FSTL4: variants seen among roughly 807,000 people sequenced by gnomAD.
FSTL4 encodes follistatin-related protein 4.
Under a neutral mutation model 78.2 loss-of-function variants are expected in FSTL4, and 28 were observed. The observed-to-expected ratio is 0.36, with a 90% CI of 0.27 to 0.49. The LOEUF (loss-of-function observed/expected upper bound fraction) is 0.49. Ranked by LOEUF, FSTL4 falls within the 20% of genes least tolerant of loss-of-function variation. FSTL4 has a pLI of 0.98. For synonymous variants in FSTL4, 422 were observed against 440.5 expected (o/e 0.96, Z 0.53); for missense variants, 922 against 1,084.9 (o/e 0.85, Z 2.11).
At chr5:133,736,759 C>A in the FSTL4 span, among the ~76,000 whole-genome samples, 1 of 152,134 alleles carries the variant, frequency 6.6e-6, no homozygotes, top group Non-Finnish European at 1.5e-5. Context: ...TTGCAGCCTG[C>A]TGGTGTCCAA....
intron 3 of FSTL4, among the ~76,000 whole-genome samples, chr5:133,544,160 TTTAA>T (rs576723827): frequency 3.2e-4 from 48 of 152,280 alleles, no homozygotes; most frequent in South Asian, 2.1e-3. Context: ...TATTCCCACT[TTTAA>T]TTAATTAATT....
At chr5:133,445,109 A>G (rs1028231622) in intron 3 of FSTL4, among the ~76,000 whole-genome samples, 2 of 152,238 alleles carry the variant, frequency 1.3e-5, no homozygotes, top group African/African-American at 4.8e-5. Context: ...AGACCCAGCA[A>G]TCCAGACCTG....
At chr5:133,565,142 CTA>C (rs1399538444) in intron 3 of FSTL4, among the ~76,000 whole-genome samples, 7 of 152,200 alleles carry the variant, frequency 4.6e-5, no homozygotes, top group Admixed American at 4.6e-4. Flanking sequence ...GAAAAATCAG[CTA>C]TTACTCATCT....
intron 3 of FSTL4, among the ~76,000 whole-genome samples, chr5:133,521,069 G>A (rs936705676): frequency 3.3e-5 from 5 of 152,052 alleles, no homozygotes; most frequent in South Asian, 2.1e-4. Flanking sequence ...AGCATTCACT[G>A]TTCCTTCCTA....
intron 6 of FSTL4, among the ~76,000 whole-genome samples, chr5:133,305,627 G>A (rs1220621235): frequency 6.6e-6 from 1 of 152,148 alleles, no homozygotes; most frequent in Non-Finnish European, 1.5e-5. Context: ...TCTCTACCCA[G>A]GTGGCAAGCT....
the FSTL4 span, among the ~76,000 whole-genome samples, chr5:133,690,759 G>A: frequency 6.6e-6 from 1 of 152,206 alleles, no homozygotes; most frequent in Admixed American, 6.5e-5. Flanking sequence ...TTTGCCTATA[G>A]AGACAGTGAC....
chr5:133,703,296 C>A, the FSTL4 span, among the ~76,000 whole-genome samples: 2 of 152,172 alleles, frequency 1.3e-5, no homozygotes, highest in Admixed American at 6.5e-5. Context: ...ACATCCGTTA[C>A]CATTCCAATT....
Position 133,312,773 on chromosome 5 carries a change from A to T in FSTL4, c.608T>A (p.Val203Glu). The T allele has an allele frequency of 6.2e-7, 1 of 1,614,154 alleles. No individual in the cohort carries two copies. The highest frequency in any genetic ancestry group is 2.2e-5 in the East Asian group (1 of 44,890). Reference sequence around the variant, plus strand: ...TTCATCCAGGTCCTGCTTCTTCAGCACATGCTGTGGGGTGAGGAGGAGAAC... The same window carrying T: ...TTCATCCAGGTCCTGCTTCTTCAGCTCATGCTGTGGGGTGAGGAGGAGAAC... ...HLSSSELAQH[V>E]LKKQDLDEDL... The change falls in exon 6 of 16, where the codon GTG becomes GAG. Residue 203 changes from valine (V) to glutamate (E), a missense_variant. Val to Glu is a moderately radical substitution (Grantham distance 121, BLOSUM62 -2). Transcript: ENST00000265342.
At chr5:133,547,975 G>T (rs1299012397) in intron 3 of FSTL4, among the ~76,000 whole-genome samples, 1 of 152,080 alleles carries the variant, frequency 6.6e-6, no homozygotes, top group Non-Finnish European at 1.5e-5. Flanking sequence ...AAAAGCCCTG[G>T]ACACCTAAGC....
intron 3 of FSTL4, among the ~76,000 whole-genome samples, chr5:133,555,962 G>A (rs973902283): frequency 5.9e-5 from 9 of 152,118 alleles, no homozygotes; most frequent in South Asian, 2.1e-4. Flanking sequence ...GCCCAGACCC[G>A]TGGGTTTTTT....
chr5:133,617,318 A>G (rs1466393753), upstream of FSTL4, among the ~76,000 whole-genome samples: 1 of 150,770 alleles, frequency 6.6e-6, no homozygotes, highest in Non-Finnish European at 1.5e-5. Flanking sequence ...AAAAAAAAAA[A>G]AAAAGTCCTG....
At chr5:133,751,147 A>C in the FSTL4 span, among the ~76,000 whole-genome samples, 1 of 152,034 alleles carries the variant, frequency 6.6e-6, no homozygotes, top group African/African-American at 2.4e-5. Context: ...CCTACTCAGA[A>C]GCCCTACCTG....
chr5:133,472,080 A>G (rs1156904859), intron 3 of FSTL4, among the ~76,000 whole-genome samples: 1 of 152,230 alleles, frequency 6.6e-6, no homozygotes, highest in African/African-American at 2.4e-5. Context: ...CGTGTGGAGC[A>G]GAGAACTCCT....
the FSTL4 span, among the ~76,000 whole-genome samples, chr5:133,785,792 C>T: frequency 3.9e-5 from 6 of 152,034 alleles, no homozygotes; most frequent in East Asian, 3.9e-4. Context: ...CCATGGTTGC[C>T]GAAGCTCAGG....
At chr5:133,263,756 G>A (rs1752585476) in intron 6 of FSTL4, among the ~76,000 whole-genome samples, 1 of 152,208 alleles carries the variant, frequency 6.6e-6, no homozygotes, top group African/African-American at 2.4e-5. Context: ...TGTTGTGTTT[G>A]TGTGCTAATG....
chr5:133,434,387 GA>G (rs1321038158), intron 3 of FSTL4, among the ~76,000 whole-genome samples: 3 of 152,154 alleles, frequency 2.0e-5, no homozygotes, highest in Admixed American at 2.0e-4. Context: ...TTGGAATCTG[GA>G]AGTAGTTTTA....
chr5:133,820,159 A>C, the FSTL4 span, among the ~76,000 whole-genome samples: 1 of 151,848 alleles, frequency 6.6e-6, no homozygotes, highest in East Asian at 1.9e-4. Flanking sequence ...CTTTCCACCC[A>C]TGCCTCCTCC....
Position 133,340,993 on chromosome 5 carries a change from C to T in FSTL4, c.410-24341G>A, listed in dbSNP as rs1315104496. ...GTGGATGCATAGCTAGGCTTCAAAACCACCCCAAGGCCCAGGTGCGGGGTG... is the reference window on the plus strand; with the variant it reads ...GTGGATGCATAGCTAGGCTTCAAAATCACCCCAAGGCCCAGGTGCGGGGTG... On this transcript the variant is annotated intron_variant, in intron 4 of 15. Coordinates refer to ENST00000265342, the MANE Select transcript of FSTL4 (RefSeq NM_015082.2). Among the ~76,000 whole-genome samples, 8 of 152,050 alleles carry T rather than the reference C, an allele frequency of 5.3e-5. No individual in the cohort carries two copies. The South Asian group carries it at 1.7e-3, about 32-fold the overall frequency.
intron 6 of FSTL4, among the ~76,000 whole-genome samples, chr5:133,268,534 T>C (rs912744216): frequency 5.9e-5 from 9 of 151,642 alleles, no homozygotes; most frequent in African/African-American, 2.2e-4. Flanking sequence ...AAATGGGAGG[T>C]GGTGGAGGCC....
Sources: gnomAD v4.1 joint callset for allele counts (sites outside exome capture counted in the v4.1 genomes callset) on GRCh38, gnomAD v4.1.1 for gene constraint, MANE v1.5 for transcripts, NCBI Gene and HGNC (gene_info 2026-07-23, HGNC 2026-07-21) for gene names.